Variants in NEB observed in about 807,000 individuals in gnomAD.
NEB encodes nemaline myopathy type 2.
A neutral mutation model predicts 952.2 loss-of-function variants in NEB; 512 were observed. That is an observed-to-expected ratio of 0.54 (90% confidence interval 0.50 to 0.58). NEB has a LOEUF of 0.58. NEB is among the 20% of genes least tolerant of loss of function. The probability of loss-of-function intolerance (pLI) is 0.00; values close to 1 mark genes in which losing one functional copy is unlikely to be tolerated. For synonymous variants in NEB, 2,900 were observed against 3,149.8 expected (o/e 0.92, Z 2.66); for missense variants, 8,428 against 9,231.1 (o/e 0.91, Z 3.56).
Position 151,527,443 on chromosome 2 carries a change from G to C in NEB, c.21840+38C>G, listed in dbSNP as rs750737380. ...TTATTCATTGTATTTCTCAGGTGCAGTATGCAGTTACAATCGTCTGTGTCT... is the reference window on the plus strand; with the variant it reads ...TTATTCATTGTATTTCTCAGGTGCACTATGCAGTTACAATCGTCTGTGTCT... On this transcript the variant is annotated intron_variant, in intron 147 of 181. Coordinates refer to ENST00000397345, the MANE Select transcript of NEB (RefSeq NM_001164508.2). 4.4e-6 allele frequency: 6 copies of C among 1,377,726 alleles called. No individual in the cohort carries two copies. In the Admixed American group the frequency reaches 7.1e-5, roughly 16 times the overall value. 85.3% of individuals were successfully genotyped at this position (1,377,726 alleles called of 1,614,324 possible).
chr2:151,610,658 G>A, intron 79 of NEB, 35 bp from the exon 80 acceptor site: 1 of 1,583,120 alleles, frequency 6.3e-7, no homozygotes, highest in Non-Finnish European at 8.7e-7. Context: ...GAAAATAAGA[G>A]TGTTTGAGGA....
chr2:151,520,472 T>A, intron 153 of NEB, among the ~76,000 whole-genome samples: 1 of 152,256 alleles, frequency 6.6e-6, no homozygotes, highest in South Asian at 2.1e-4. Flanking sequence ...AACTCCAATT[T>A]AAAAAATAAG....
chr2:151,547,277 T>C (rs2094832411), intron 133 of NEB, among the ~76,000 whole-genome samples, 152 bp downstream of exon 133: 1 of 152,180 alleles, frequency 6.6e-6, no homozygotes, highest in Non-Finnish European at 1.5e-5. Flanking sequence ...TGTGGCATCC[T>C]TCTCCCACAC....
intron 10 of NEB, chr2:151,716,179 C>T: frequency 2.4e-6 from 1 of 423,248 alleles, no homozygotes; most frequent in South Asian, 1.8e-5. Context: ...ACACTTGTTG[C>T]CCAGACTGGA....
chr2:151,499,478 AC>A, intron 168 of NEB, 88 bp from the exon 169 acceptor site: 1 of 712,562 alleles, frequency 1.4e-6, no homozygotes, highest in Non-Finnish European at 2.5e-6. Context: ...GTATAAAACT[AC>A]AGACGTCAGA....
At position 151,492,082 on chromosome 2, in the gene NEB, A is replaced by C. The variant is rs756271464; in HGVS notation, c.25057+16T>G. 4.3e-6 allele frequency: 7 copies of C among 1,612,652 alleles called. No homozygotes were observed. The African/African-American group carries it at 9.4e-5, about 22-fold the overall frequency. On this transcript the variant is annotated intron_variant, in intron 178 of 181. Transcript: ENST00000397345. ...CACTTAAAGTTAATCCCCTCCCCCA[A>C]CCCAGGCTCAGTTACCTGTAATAGT...
At chr2:151,489,947 T>TA (rs761049503) in intron 181 of NEB, 24 bp downstream of exon 181, 1 of 1,496,174 alleles carries the variant, frequency 6.7e-7, no homozygotes, top group East Asian at 2.3e-5. Flanking sequence ...AATAATTTAT[T>TA]TAAGTGAGTT....
intron 57 of NEB, 88 bp downstream of exon 57, chr2:151,643,729 TG>T: frequency 4.5e-6 from 7 of 1,542,118 alleles, no homozygotes; most frequent in Non-Finnish European, 6.1e-6. Context: ...AGGGTAATTG[TG>T]TAAACTCAAC....
At chr2:151,719,634 C>A (rs747346453) in intron 9 of NEB, among the ~76,000 whole-genome samples, 4 of 152,180 alleles carry the variant, frequency 2.6e-5, no homozygotes, top group Non-Finnish European at 5.9e-5. Flanking sequence ...CCTGTAATCC[C>A]AGCACTTTGG....
Position 151,549,696 on chromosome 2 carries a change from TC to T in NEB, c.19988del (p.Arg6663AsnfsTer18), listed in dbSNP as rs1559808509. ...TSLRTLPTGYRLPGDTPHFKH... is the reference protein window; with the variant it reads ...TSLRTLPTGYXLPGDTPHFKH... ...TGAAGTGAGGAGTGTCACCTGGAAG[TC>T]TATATCCAGTGGGCAGGGTGCGCAG... On this transcript the variant is annotated frameshift_variant, in exon 130 of 182. Transcript: ENST00000397345. LOFTEE classifies it high-confidence loss of function. 3.1e-6 allele frequency: 5 copies of T among 1,600,266 alleles called. No individual in the cohort carries two copies. Among genetic ancestry groups the T allele is most frequent in the Non-Finnish European group, 4.3e-6 (5 of 1,173,002 alleles).
chr2:151,699,671 G>C (rs2099630613), intron 13 of NEB, among the ~76,000 whole-genome samples: 2 of 78,464 alleles, frequency 2.5e-5, no homozygotes, highest in Non-Finnish European at 2.5e-5. Context: ...CTTTTGAGAA[G>C]TGTCTGTTCA....
At chr2:151,525,023 C>G (rs1009716221) in intron 151 of NEB, 140 bp downstream of exon 151, 1 of 711,938 alleles carries the variant, frequency 1.4e-6, no homozygotes. Context: ...TTTCCTTAAA[C>G]CCAAACCAAT....
rs1049590361 is a variant in NEB, at chr2:151,533,378, C to T, written c.21417+64G>A. ...GAGTGGAAGAGGAAATCAATGAAAG[C>T]ATACAAGGGAATGCATCCAAGACTT... On this transcript the variant is annotated intron_variant, in intron 143 of 181. Coordinates refer to ENST00000397345, the MANE Select transcript of NEB (RefSeq NM_001164508.2). 9.3e-5 allele frequency: 97 copies of T among 1,039,106 alleles called. No homozygotes were observed. The Middle Eastern group carries it at 1.2e-3, about 13-fold the overall frequency. 64.4% of individuals were successfully genotyped at this position (1,039,106 alleles called of 1,614,324 possible). A position where few individuals can be genotyped will look rare whatever the true frequency, so the allele number is the denominator to read the frequency against.
Position 151,557,569 on chromosome 2 carries a change from A to G in NEB, c.19315-2525T>C, listed in dbSNP as rs189696194. Among the ~76,000 whole-genome samples, 579 of 152,334 alleles carry G rather than the reference A, an allele frequency of 3.8e-3. 2 individuals are homozygous for G. The highest frequency in any genetic ancestry group is 0.013 in the African/African-American group (553 of 41,576). On this transcript the variant is annotated intron_variant, in intron 124 of 181. Transcript: ENST00000397345. ...AGCCGGGCAGAGACACAACCAAAAA[A>G]GAGAATTTTAGACCAATATCCCTGA...
intron 169 of NEB, among the ~76,000 whole-genome samples, chr2:151,498,603 C>T (rs2061999452): frequency 6.6e-6 from 1 of 152,182 alleles, no homozygotes; most frequent in South Asian, 2.1e-4. Context: ...GAACTAATCT[C>T]TGCAGCACTG....
chr2:151,665,977 G>A, intron 41 of NEB, 113 bp downstream of exon 41: 1 of 1,122,974 alleles, frequency 8.9e-7, no homozygotes. Context: ...TCTGAGTTCT[G>A]GAGGGAATCC....
In NEB at chr2:151,665,514, T is replaced by C. The variant is rs758596294; in HGVS notation, c.5057A>G (p.Asn1686Ser). The C allele has an allele frequency of 7.5e-6, 12 of 1,608,986 alleles. No homozygotes were observed. Among genetic ancestry groups the C allele is most frequent in the South Asian group, 3.3e-5 (3 of 89,826 alleles). Residue 1686 changes from asparagine (N) to serine (S), a missense_variant, in exon 42 of 182, where the codon AAT becomes AGT. Asn to Ser is a conservative substitution (Grantham distance 46). Around this residue, in one of 11 missense-constraint regions of NEB, gnomAD observed 2,851 missense variants for 2,791.5 expected, o/e 1.02. Coordinates refer to ENST00000397345, the MANE Select transcript of NEB (RefSeq NM_001164508.2). ...CACCCAGCCGATCCCTTTCATCCAATTGGTGAAGTCAGATTTGTACAGATT... is the reference window on the plus strand; with the variant it reads ...CACCCAGCCGATCCCTTTCATCCAACTGGTGAAGTCAGATTTGTACAGATT... ...SDNLYKSDFT[N>S]WMKGIGWVPI... is the part of the protein sequence containing the mutation.
chr2:151,620,109 G>C (rs143433144), intron 72 of NEB, among the ~76,000 whole-genome samples: 2,471 of 151,996 alleles, frequency 0.016, 25 homozygotes, highest in South Asian at 0.038. Flanking sequence ...ATGTTTACAT[G>C]GATCATTAAA....
Position 151,487,124 on chromosome 2 carries a change from T to C in NEB, c.25405-1191A>G, listed in dbSNP as rs904762457. On this transcript the variant is annotated intron_variant, in intron 181 of 181. Transcript: ENST00000397345. Reference sequence around the variant, plus strand: ...GCTGCTAATTTTATTTATGGCCTTTTTCTACCTTTCGAAGAGGTCAGTCTT... The same window carrying C: ...GCTGCTAATTTTATTTATGGCCTTTCTCTACCTTTCGAAGAGGTCAGTCTT... Among the ~76,000 whole-genome samples, 4 of 152,174 alleles carry C rather than the reference T, an allele frequency of 2.6e-5. 1 individual carries two copies. The highest frequency in any genetic ancestry group is 2.4e-5 in the African/African-American group (1 of 41,448).
Sources: gnomAD v4.1 joint callset for allele counts (sites outside exome capture counted in the v4.1 genomes callset) on GRCh38, gnomAD v4.1.1 for gene constraint, gnomAD v4.1.1 regional missense constraint, MANE v1.5 for transcripts, NCBI Gene and HGNC (gene_info 2026-07-23, HGNC 2026-07-21) for gene names.